Variants in CD8B2 observed in about 807,000 individuals in gnomAD.
CD8B2 encodes T-cell surface glycoprotein CD8 beta-2 chain.
A neutral mutation model predicts 23.7 loss-of-function variants in CD8B2; 11 were observed. The observed-to-expected ratio is 0.46, with a 90% confidence interval of 0.29 to 0.77. The LOEUF is 0.77. Ranked by LOEUF, CD8B2 falls within the 30% of genes least tolerant of loss-of-function variation. The pLI, the probability that CD8B2 is intolerant of heterozygous loss-of-function variation, is 0.09. For synonymous variants in CD8B2, 90 were observed against 109.3 expected (o/e 0.82, Z 1.10); for missense variants, 197 against 270.5 (o/e 0.73, Z 1.91).
intron 5 of CD8B2, among the ~76,000 whole-genome samples, chr2:106,532,550 G>T (rs1680004517): frequency 1.3e-5 from 2 of 152,212 alleles, no homozygotes; most frequent in South Asian, 2.1e-4. Flanking sequence ...CCCAAGGGCT[G>T]CCAGTTGCCC....
chr2:106,530,632 G>C (rs930563777), intron 5 of CD8B2, among the ~76,000 whole-genome samples: 1 of 152,100 alleles, frequency 6.6e-6, no homozygotes, highest in Non-Finnish European at 1.5e-5. Context: ...ACCCAGCTCG[G>C]CCTCCCAAAG....
chr2:106,493,117 T>G (rs4254501), intron 2 of CD8B2, among the ~76,000 whole-genome samples: 108,949 of 151,944 alleles, frequency 0.72, 39,663 homozygotes, highest in East Asian at 0.99. Flanking sequence ...AATGCCTCTC[T>G]CCAGCTCTGG....
In CD8B2 at chr2:106,508,423, G is replaced by A. The variant is rs1679556768; in HGVS notation, c.*1483G>A. On this transcript the variant is annotated 3_prime_UTR_variant, in exon 6 of 6. Transcript: ENST00000643224. ...ATCTGGGGTGCGGCCGCAGCAGAAT[G>A]AGGTGTGGTGGGTGGAGTTAGAAAG... 1 of 152,148 alleles carries A rather than the reference G, an allele frequency of 6.6e-6. No homozygotes were observed. The allele number at this position is 152,148 out of a possible 1,614,324, so 9.4% of individuals were successfully genotyped here.
chr2:106,494,025 C>A (rs373723204), intron 2 of CD8B2, among the ~76,000 whole-genome samples: 12 of 152,320 alleles, frequency 7.9e-5, no homozygotes, highest in African/African-American at 2.9e-4. Context: ...AGATCGTGTT[C>A]TCTCCGCTTT....
chr2:106,543,759 G>A (rs1680212183), intron 5 of CD8B2, among the ~76,000 whole-genome samples: 1 of 152,174 alleles, frequency 6.6e-6, no homozygotes, highest in South Asian at 2.1e-4. Context: ...AATTCCAGTA[G>A]CCCTGGACCA....
chr2:106,496,274 A>G lies in CD8B2; in HGVS notation c.493+12A>G. On this transcript the variant is annotated intron_variant, in intron 3 of 5. Coordinates refer to ENST00000643224, the MANE Select transcript of CD8B2 (RefSeq NM_001349727.2). ...AGAGACCCAGAAGGGTGAGTTCCCT[A>G]TCCCTCTGCACCCTCAGAAACAAGG... The G allele has an allele frequency of 6.6e-7, 1 of 1,513,308 alleles. No homozygotes were observed. Among genetic ancestry groups the G allele is most frequent in the South Asian group, 1.2e-5 (1 of 82,552 alleles). The allele number at this position is 1,513,308 out of a possible 1,614,324, so 93.7% of individuals were successfully genotyped here.
chr2:106,523,409 A>C (rs923960768), intron 5 of CD8B2, among the ~76,000 whole-genome samples: 1 of 152,106 alleles, frequency 6.6e-6, no homozygotes, highest in Non-Finnish European at 1.5e-5. Context: ...AACTACTGTC[A>C]CTTGTGTTTT....
intron 5 of CD8B2, among the ~76,000 whole-genome samples, chr2:106,528,010 G>C (rs939929821): frequency 6.6e-6 from 1 of 152,168 alleles, no homozygotes; most frequent in Non-Finnish European, 1.5e-5. Flanking sequence ...AGGTATAAGA[G>C]CTCAAGGACC....
chr2:106,499,313 A>T (rs896160542), intron 3 of CD8B2, among the ~76,000 whole-genome samples: 24 of 152,208 alleles, frequency 1.6e-4, no homozygotes, highest in African/African-American at 5.8e-4. Context: ...CTGGTGGATC[A>T]CCTGAGGTCA....
At chr2:106,536,505 T>C (rs1680093179) in intron 5 of CD8B2, among the ~76,000 whole-genome samples, 1 of 152,172 alleles carries the variant, frequency 6.6e-6, no homozygotes, top group African/African-American at 2.4e-5. Context: ...CATTTCAGCT[T>C]AGATATAGGT....
intron 5 of CD8B2, among the ~76,000 whole-genome samples, chr2:106,506,203 T>C (rs1573336963): frequency 6.6e-6 from 1 of 151,886 alleles, no homozygotes; most frequent in East Asian, 1.9e-4. Context: ...AGTAAGTCCC[T>C]CTCTGGTACT....
At chr2:106,514,631 A>G (rs1327660989), downstream of CD8B2, among the ~76,000 whole-genome samples, 2 of 151,872 alleles carry the variant, frequency 1.3e-5, no homozygotes, top group East Asian at 3.9e-4. Flanking sequence ...TGTGACATAC[A>G]GGGCTGTTCA....
chr2:106,491,177 G>T lies in CD8B2; in HGVS notation c.347G>T (p.Cys116Phe). 1.9e-6 allele frequency: 3 copies of T among 1,613,774 alleles called. No homozygotes were observed. In the South Asian group the frequency reaches 3.3e-5, roughly 18 times the overall value. The stretch of plus-strand genomic sequence containing the variant: ...CCGGAGGACAGTGGCATCTACTTCT[G>T]CATGATCGTCGGGAGCCCCGAGCTG... ...VKPEDSGIYFCMIVGSPELTF... is the reference protein window; with the variant it reads ...VKPEDSGIYFFMIVGSPELTF... Residue 116 changes from cysteine to phenylalanine, a missense_variant, in exon 2 of 6, where the codon TGC (cysteine) becomes TTC (phenylalanine). This residue lies in a region of CD8B2 where 140 missense variants were observed against 164.2 expected (regional missense o/e 0.85). Transcript: ENST00000643224.
At chr2:106,535,507 T>G (rs906044799) in intron 5 of CD8B2, 1 of 152,244 alleles carries the variant, frequency 6.6e-6, no homozygotes, top group African/African-American at 2.4e-5. Flanking sequence ...AGCTTTTACA[T>G]ACTTTTTAAT....
At chr2:106,518,003 C>G (rs960661087) in intron 5 of CD8B2, among the ~76,000 whole-genome samples, 1 of 152,136 alleles carries the variant, frequency 6.6e-6, no homozygotes, top group Admixed American at 6.5e-5. Flanking sequence ...CGGGAGCCAC[C>G]GCGCCCAGCC....
downstream of CD8B2, among the ~76,000 whole-genome samples, chr2:106,513,892 C>T (rs1249105229): frequency 6.6e-6 from 1 of 152,170 alleles, no homozygotes; most frequent in Non-Finnish European, 1.5e-5. Flanking sequence ...ACCTACCCTG[C>T]AGCCACACTG....
chr2:106,502,996 G>A (rs551729798), intron 4 of CD8B2, among the ~76,000 whole-genome samples: 2 of 151,084 alleles, frequency 1.3e-5, no homozygotes, highest in African/African-American at 2.4e-5. Context: ...TTTGTGTTGT[G>A]TTCCTAGAAG....
intron 5 of CD8B2, among the ~76,000 whole-genome samples, chr2:106,525,366 A>G (rs1679892480): frequency 1.3e-5 from 2 of 152,186 alleles, no homozygotes; most frequent in Non-Finnish European, 1.5e-5. Flanking sequence ...GGTCTTGGGC[A>G]TGTTTGTTCA....
intron 3 of CD8B2, among the ~76,000 whole-genome samples, chr2:106,498,400 G>A (rs954710653): frequency 6.6e-6 from 1 of 152,074 alleles, no homozygotes; most frequent in Non-Finnish European, 1.5e-5. Context: ...CACCTGCCTT[G>A]GCCTCCCAAA....
Sources: allele counts gnomAD v4.1 joint callset (sites outside exome capture counted in the v4.1 genomes callset), GRCh38; gene constraint gnomAD v4.1.1; regional missense constraint gnomAD v4.1.1; transcripts MANE v1.5; gene names NCBI Gene and HGNC (gene_info 2026-07-23, HGNC 2026-07-21).